The following TMEM276 variants were observed in gnomAD, a reference collection of about 807,000 sequenced individuals.
The protein encoded by TMEM276 is transmembrane protein 276.
the TMEM276 span, chr8:144,465,157 C>T: frequency 7.1e-7 from 1 of 1,409,302 alleles, no homozygotes; most frequent in Non-Finnish European, 9.3e-7. Context: ...AGGGTCTAAG[C>T]TGGGGGGAAC....
At chr8:144,464,157 G>C in the TMEM276 span, 4 of 1,612,622 alleles carry the variant, frequency 2.5e-6, no homozygotes, top group Non-Finnish European at 1.7e-6. Context: ...GTGTATGCAG[G>C]GCCCGGCAGT....
the TMEM276 span, chr8:144,466,751 C>A: frequency 6.6e-7 from 1 of 1,524,052 alleles, no homozygotes; most frequent in Non-Finnish European, 8.8e-7. Flanking sequence ...GCCCCTGCCC[C>A]CTCCCTAGAG....
the TMEM276 span, chr8:144,464,857 A>G: frequency 6.2e-7 from 1 of 1,612,748 alleles, no homozygotes; most frequent in Non-Finnish European, 8.5e-7. Context: ...CCAGCACCAG[A>G]TGGGACAGGG....
At chr8:144,466,829 G>C in the TMEM276 span, 1 of 1,536,744 alleles carries the variant, frequency 6.5e-7, no homozygotes, top group Non-Finnish European at 8.7e-7. Flanking sequence ...CGAGCTGACC[G>C]GCCTGGCCGG....
At chr8:144,464,838 ACAC>A in the TMEM276 span, 1 of 1,612,788 alleles carries the variant, frequency 6.2e-7, no homozygotes, top group South Asian at 1.1e-5. Flanking sequence ...GCGTGCAGAG[ACAC>A]CACTCCCAGC....
the TMEM276 span, chr8:144,465,319 G>A: frequency 7.4e-6 from 8 of 1,081,912 alleles, no homozygotes; most frequent in Admixed American, 1.4e-4. Context: ...GAGCGACGGC[G>A]CAGGACTCCG....
the TMEM276 span, chr8:144,464,325 G>A: frequency 3.1e-6 from 5 of 1,612,688 alleles, no homozygotes; most frequent in Non-Finnish European, 4.2e-6. Flanking sequence ...CTACAATGAG[G>A]ATGGTCACTG....
chr8:144,464,859 G>C, the TMEM276 span: 1 of 1,612,818 alleles, frequency 6.2e-7, no homozygotes, highest in Non-Finnish European at 8.5e-7. Context: ...AGCACCAGAT[G>C]GGACAGGGCT....
chr8:144,466,035 AGATGGGCGG>A, the TMEM276 span: 2 of 40,296 alleles, frequency 5.0e-5, no homozygotes, highest in Admixed American at 2.6e-4. Flanking sequence ...GGCGGGGCTG[AGATGGGCGG>A]GGCTGTAGGG....
At chr8:144,464,705 G>A in the TMEM276 span, 23 of 1,580,240 alleles carry the variant, frequency 1.5e-5, no homozygotes, top group African/African-American at 1.2e-4. Context: ...TGGAGACCTG[G>A]TCTTAGACGC....
chr8:144,464,939 G>A, the TMEM276 span: 4 of 1,603,782 alleles, frequency 2.5e-6, no homozygotes, highest in East Asian at 2.2e-5. Context: ...GACACAGATA[G>A]GAGATACTCA....
chr8:144,465,266 C>A, the TMEM276 span: 1 of 1,122,598 alleles, frequency 8.9e-7, no homozygotes, highest in Non-Finnish European at 1.1e-6. Flanking sequence ...GGCCTGCTCC[C>A]TGCGTTCCGG....
chr8:144,464,256 G>A, the TMEM276 span: 8 of 1,612,524 alleles, frequency 5.0e-6, no homozygotes, highest in Middle Eastern at 1.6e-4. Flanking sequence ...GGCTCAGGAG[G>A]CCTGCCACAC....
chr8:144,464,589 G>A, the TMEM276 span: 1 of 1,609,310 alleles, frequency 6.2e-7, no homozygotes, highest in African/African-American at 1.3e-5. Context: ...GGAGCAGGAA[G>A]CCAGCAGCAG....
chr8:144,466,804 G>C, the TMEM276 span: 7 of 1,537,314 alleles, frequency 4.6e-6, no homozygotes, highest in Non-Finnish European at 6.1e-6. Context: ...ACCTGCCCGC[G>C]CCAGAGCTGT....
chr8:144,466,334 AC>A, the TMEM276 span: 1 of 388,276 alleles, frequency 2.6e-6, no homozygotes, highest in Non-Finnish European at 3.9e-6. Flanking sequence ...GAGCATGCGC[AC>A]CGGCACTGCG....
chr8:144,463,887 C>A, the TMEM276 span: 7 of 1,398,302 alleles, frequency 5.0e-6, no homozygotes, highest in Admixed American at 3.3e-5. Context: ...ACAACCGTGT[C>A]CAGCCCAGAA....
At chr8:144,466,581 T>C in the TMEM276 span, 1 of 873,142 alleles carries the variant, frequency 1.1e-6, no homozygotes. Context: ...CACGCCGAGG[T>C]TCCCGGGGCG....
the TMEM276 span, chr8:144,464,468 A>T: frequency 6.2e-7 from 1 of 1,612,362 alleles, no homozygotes; most frequent in Non-Finnish European, 8.5e-7. Context: ...ACCCAGTGGA[A>T]ATCGAAGGCC....
Sources: gnomAD v4.1 joint callset for allele counts on GRCh38, gnomAD v4.1.1 for gene constraint, MANE v1.5 for transcripts, NCBI Gene and HGNC (gene_info 2026-07-23, HGNC 2026-07-21) for gene names.